CNTNAP2: variants seen among roughly 807,000 people sequenced by gnomAD.
CNTNAP2 encodes the protein contactin-associated protein-like 2.
A neutral mutation model predicts 155.2 loss-of-function variants in CNTNAP2; 98 were observed. The ratio of observed to expected loss-of-function variants is 0.63; its 90% CI spans 0.54 to 0.75. CNTNAP2 has a LOEUF of 0.75. CNTNAP2 is among the 30% of genes least tolerant of loss of function. CNTNAP2 has a pLI of 0.00. For missense variants in CNTNAP2, 1,727 were observed against 1,688.1 expected (o/e 1.02, Z -0.40); for synonymous variants, 651 against 631.2 (o/e 1.03, Z -0.47).
chr7:147,973,461 A>G lies in CNTNAP2; in HGVS notation c.2256-4401A>G, dbSNP rs76673152. Among the ~76,000 whole-genome samples the G allele has an allele frequency of 2.2e-3, 334 of 152,332 alleles. 3 individuals are homozygous for G. Among genetic ancestry groups the G allele is most frequent in the African/African-American group, 7.7e-3 (320 of 41,580 alleles). ...GGAATATCTGAGTGTTATTACTACT[A>G]GCTATACGGCAACCTTTTATAAACT... On this transcript the variant is annotated intron_variant, in intron 14 of 23. Transcript: ENST00000361727.
chr7:146,974,387 G>A (rs923552363), intron 3 of CNTNAP2, among the ~76,000 whole-genome samples: 2 of 151,558 alleles, frequency 1.3e-5, no homozygotes, highest in African/African-American at 2.4e-5. Context: ...GCAGTGAGCC[G>A]AGATCATGCC....
At chr7:147,638,990 T>C in intron 12 of CNTNAP2, 116 bp from the exon 13 acceptor site, 2 of 1,053,046 alleles carry the variant, frequency 1.9e-6, no homozygotes, top group Non-Finnish European at 3.0e-6. Flanking sequence ...TCCTTAACAC[T>C]GTTCTACACC....
intron 1 of CNTNAP2, among the ~76,000 whole-genome samples, chr7:146,306,132 AC>A (rs1229854361): frequency 6.6e-6 from 1 of 152,194 alleles, no homozygotes; most frequent in African/African-American, 2.4e-5. Flanking sequence ...TATGCAAATA[AC>A]CTAGAAAATC....
At chr7:147,914,475 G>T (rs962679804) in intron 14 of CNTNAP2, among the ~76,000 whole-genome samples, 5 of 151,526 alleles carry the variant, frequency 3.3e-5, no homozygotes, top group African/African-American at 1.2e-4. Flanking sequence ...AGGAGGCAGA[G>T]GTTGCAGTGA....
At chr7:146,482,210 A>G (rs1210380305) in intron 1 of CNTNAP2, among the ~76,000 whole-genome samples, 1 of 150,590 alleles carries the variant, frequency 6.6e-6, no homozygotes, top group Non-Finnish European at 1.5e-5. Context: ...GAATTAGAAA[A>G]AAAAAAAAAA....
chr7:146,792,702 C>G (rs1802696025), intron 2 of CNTNAP2, among the ~76,000 whole-genome samples: 1 of 152,162 alleles, frequency 6.6e-6, no homozygotes, highest in African/African-American at 2.4e-5. Context: ...ATGGTGACAT[C>G]ATTATGACAC....
intron 1 of CNTNAP2, among the ~76,000 whole-genome samples, chr7:146,483,304 T>C (rs184533684): frequency 0.16 from 16,833 of 105,188 alleles, 2,497 homozygotes; most frequent in African/African-American, 0.3. Flanking sequence ...TATATATATA[T>C]ATATATATAT....
intron 1 of CNTNAP2, among the ~76,000 whole-genome samples, chr7:146,672,852 T>A (rs1259461944): frequency 6.6e-6 from 1 of 152,214 alleles, no homozygotes; most frequent in African/African-American, 2.4e-5. Flanking sequence ...ATCATTTGTT[T>A]TTGTGTCTTC....
chr7:148,110,344 TCCTCAGCCTGCACACGGAAA>T (rs1804320092), intron 15 of CNTNAP2, among the ~76,000 whole-genome samples: 1 of 151,832 alleles, frequency 6.6e-6, no homozygotes, highest in South Asian at 2.1e-4. Flanking sequence ...GAGGTCGGCT[TCCTCAGCCTGCACACGGAAA>T]CAGTGCAGGG....
intron 15 of CNTNAP2, among the ~76,000 whole-genome samples, chr7:147,998,086 A>C (rs113526817): frequency 6.6e-4 from 96 of 144,788 alleles, no homozygotes; most frequent in African/African-American, 2.4e-3. Context: ...TCCTAAGAAC[A>C]TGGTCATTTC....
At chr7:147,224,305 A>C (rs574960547) in intron 8 of CNTNAP2, among the ~76,000 whole-genome samples, 1 of 152,192 alleles carries the variant, frequency 6.6e-6, no homozygotes, top group African/African-American at 2.4e-5. Context: ...ATGGCTTTAC[A>C]TTTTTAAATG....
intron 3 of CNTNAP2, among the ~76,000 whole-genome samples, chr7:146,925,894 G>A (rs1348353512): frequency 1.3e-5 from 2 of 152,052 alleles, no homozygotes; most frequent in African/African-American, 4.8e-5. Flanking sequence ...CAAGGTTAAG[G>A]TGACAATCCA....
At chr7:147,270,173 T>A (rs1305681876) in intron 8 of CNTNAP2, among the ~76,000 whole-genome samples, 2 of 152,230 alleles carry the variant, frequency 1.3e-5, no homozygotes, top group African/African-American at 2.4e-5. Flanking sequence ...CAAAAAGTCA[T>A]GAGTCATGTC....
Position 147,804,552 on chromosome 7 carries a change from TTG to T in CNTNAP2, c.2099-99011_2099-99010del, listed in dbSNP as rs1491479836. ...CTCTCTTGCTTCAGTTTTTGTTTTT[TTG>T]TTTGTTTGTTTTATTTTTAGACAGG... is the stretch of plus-strand genomic sequence containing the variant. On this transcript the variant is annotated intron_variant, in intron 13 of 23. Transcript: ENST00000361727. 1.8e-3 allele frequency among the ~76,000 whole-genome samples: 252 copies of T among 142,858 alleles called. 1 individual carries two copies. Among genetic ancestry groups the T allele is most frequent in the African/African-American group, 6.7e-3 (234 of 34,682 alleles). 93.7% of individuals were successfully genotyped at this position (142,858 alleles called of 152,430 possible).
Position 146,603,347 on chromosome 7 carries a change from A to G in CNTNAP2, c.98-170924A>G, listed in dbSNP as rs1016205924. On this transcript the variant is annotated intron_variant, in intron 1 of 23. Transcript: ENST00000361727. ...GAATGGTGTGAACCCAGGAGGCGGA[A>G]CTTGCAGTGAGCCGAGACCGCGCCA... is the stretch of plus-strand genomic sequence containing the variant. 1.1e-4 allele frequency among the ~76,000 whole-genome samples: 16 copies of G among 150,640 alleles called. 3 individuals are homozygous for G. Among genetic ancestry groups the G allele is most frequent in the Non-Finnish European group, 1.0e-4 (7 of 67,646 alleles).
chr7:146,933,827 AGC>A (rs1361513353), intron 3 of CNTNAP2, among the ~76,000 whole-genome samples: 1 of 152,200 alleles, frequency 6.6e-6, no homozygotes, highest in Admixed American at 6.5e-5. Flanking sequence ...GCAGCCAAAA[AGC>A]ACATGAAAAA....
chr7:146,944,235 T>TC (rs34494906), intron 3 of CNTNAP2, among the ~76,000 whole-genome samples: 21 of 151,392 alleles, frequency 1.4e-4, no homozygotes, highest in African/African-American at 5.1e-4. Context: ...TTTTTTTTTT[T>TC]CAAATTGTTG....
chr7:148,131,536 G>A (rs1804832125), intron 16 of CNTNAP2, among the ~76,000 whole-genome samples: 1 of 152,142 alleles, frequency 6.6e-6, no homozygotes, highest in South Asian at 2.1e-4. Context: ...GACCCTCTAA[G>A]AGAAGAAATC....
intron 1 of CNTNAP2, among the ~76,000 whole-genome samples, chr7:146,233,638 C>A (rs999621441): frequency 6.6e-6 from 1 of 152,084 alleles, no homozygotes; most frequent in African/African-American, 2.4e-5. Context: ...ACAACAGTCC[C>A]CAGAGTGTGA....
Sources: gnomAD v4.1 joint callset for allele counts (sites outside exome capture counted in the v4.1 genomes callset) on GRCh38, gnomAD v4.1.1 for gene constraint, MANE v1.5 for transcripts, NCBI Gene and HGNC (gene_info 2026-07-23, HGNC 2026-07-21) for gene names.